The following NAV3 variants were observed in gnomAD, a reference collection of about 807,000 sequenced individuals.
NAV3 encodes pore membrane and/or filament interacting like protein 1.
NAV3 carries 87 observed loss-of-function variants against 244.7 expected under a neutral mutation model. The observed-to-expected ratio is 0.36, with a 90% CI of 0.30 to 0.42. NAV3 has a LOEUF of 0.42. Among genes scored for constraint, NAV3 ranks in the 20% least tolerant of loss-of-function variants. The pLI is 1.00. For missense variants in NAV3, 2,663 were observed against 2,893.3 expected (o/e 0.92, Z 1.83); for synonymous variants, 1,126 against 1,042.2 (o/e 1.08, Z -1.55).
chr12:77,643,583 C>A (rs1395106807), intron 2 of NAV3, among the ~76,000 whole-genome samples: 1 of 151,502 alleles, frequency 6.6e-6, no homozygotes, highest in African/African-American at 2.4e-5. Flanking sequence ...ATTTGGGAAA[C>A]CTTATTTGCC....
rs866616899 is a variant in NAV3 at position 78,162,666 on chromosome 12, C to G, written c.4869+3380C>G. ...ACTCCCTGAGATCAGGAGTTCAAGA[C>G]CAGCCTGGCCAACATAGTGAAACCC... On this transcript the variant is annotated intron_variant, in intron 23 of 39. Transcript: ENST00000397909. Among the ~76,000 whole-genome samples, 8 of 150,882 alleles carry G rather than the reference C, an allele frequency of 5.3e-5. No homozygotes were observed. The South Asian group carries it at 1.0e-3, about 20-fold the overall frequency.
intron 12 of NAV3, among the ~76,000 whole-genome samples, chr12:78,092,465 C>T (rs533269722): frequency 6.9e-5 from 10 of 145,172 alleles, no homozygotes; most frequent in Non-Finnish European, 1.4e-4. Flanking sequence ...AAACTCATTT[C>T]ACCCTTTGAA....
chr12:77,905,014 T>C (rs1253786258), intron 1 of NAV3, among the ~76,000 whole-genome samples: 1 of 152,154 alleles, frequency 6.6e-6, no homozygotes, highest in East Asian at 1.9e-4. Flanking sequence ...AAATCAGTTA[T>C]TCTCATATTT....
intron 2 of NAV3, among the ~76,000 whole-genome samples, chr12:77,629,392 C>T (rs711120): frequency 0.034 from 5,136 of 152,262 alleles, 121 homozygotes; most frequent in Middle Eastern, 0.054. Flanking sequence ...ATTGTGATAA[C>T]TGGCCTTTCA....
At chr12:77,747,163 GTAGA>G (rs1868588726) in intron 2 of NAV3, among the ~76,000 whole-genome samples, 1 of 152,100 alleles carries the variant, frequency 6.6e-6, no homozygotes, top group Non-Finnish European at 1.5e-5. Context: ...AAATAGTGTA[GTAGA>G]TAAATTTTAC....
chr12:77,977,706 A>G (rs946020322), intron 5 of NAV3, among the ~76,000 whole-genome samples: 196 of 90,704 alleles, frequency 2.2e-3, no homozygotes, highest in African/African-American at 6.1e-3. Context: ...ACACACACAC[A>G]CACGCGCACA....
intron 2 of NAV3, among the ~76,000 whole-genome samples, chr12:77,605,316 G>A (rs1307263307): frequency 2.6e-5 from 4 of 152,014 alleles, no homozygotes; most frequent in Non-Finnish European, 4.4e-5. Flanking sequence ...GCACCTGCCC[G>A]ATCATAATCT....
chr12:77,655,774 T>G (rs1349927972), intron 2 of NAV3, among the ~76,000 whole-genome samples: 2 of 152,242 alleles, frequency 1.3e-5, no homozygotes, highest in East Asian at 1.9e-4. Context: ...AGAAACTCTA[T>G]AAGCCAGAAG....
At chr12:77,599,462 G>A (rs1474987959) in intron 2 of NAV3, among the ~76,000 whole-genome samples, 1 of 151,654 alleles carries the variant, frequency 6.6e-6, no homozygotes, top group Non-Finnish European at 1.5e-5. Flanking sequence ...CTTTTATCTG[G>A]TATACTTACC....
chr12:77,765,808 T>G (rs764295867), intron 2 of NAV3, among the ~76,000 whole-genome samples: 1 of 151,550 alleles, frequency 6.6e-6, no homozygotes, highest in Non-Finnish European at 1.5e-5. Flanking sequence ...CAACTAGATA[T>G]GAAAAGAATA....
chr12:77,729,394 T>C (rs1247154847), intron 2 of NAV3, among the ~76,000 whole-genome samples: 1 of 151,948 alleles, frequency 6.6e-6, no homozygotes, highest in African/African-American at 2.4e-5. Flanking sequence ...GAAATCTACT[T>C]AGACATAGAA....
At chr12:77,834,079 G>A (rs1309155023) in intron 1 of NAV3, among the ~76,000 whole-genome samples, 1 of 152,164 alleles carries the variant, frequency 6.6e-6, no homozygotes, top group East Asian at 1.9e-4. Context: ...AGGTCTCGGG[G>A]TTTTTATAGG....
At chr12:78,123,725 A>C (rs560266771) in intron 16 of NAV3, among the ~76,000 whole-genome samples, 2 of 152,310 alleles carry the variant, frequency 1.3e-5, no homozygotes, top group South Asian at 4.1e-4. Flanking sequence ...TAAAGAAAAA[A>C]ACTGGGCCAA....
rs549386213 is a variant in NAV3 at position 77,918,167 on chromosome 12, C to A, written c.244-22152C>A. On this transcript the variant is annotated intron_variant, in intron 1 of 39. Transcript: ENST00000397909. Reference sequence around the variant, plus strand: ...TAACTGTGATATTACACTCTTCCCTCTGGACGCTGAGGATTCTTCTGGCTG... The same window carrying A: ...TAACTGTGATATTACACTCTTCCCTATGGACGCTGAGGATTCTTCTGGCTG... Among the ~76,000 whole-genome samples the A allele has an allele frequency of 3.3e-5, 5 of 152,246 alleles. No homozygotes were observed. The East Asian group carries it at 7.7e-4, about 24-fold the overall frequency.
At chr12:77,686,329 G>A (rs1200796813) in intron 2 of NAV3, among the ~76,000 whole-genome samples, 1 of 151,920 alleles carries the variant, frequency 6.6e-6, no homozygotes, top group African/African-American at 2.4e-5. Flanking sequence ...CTGACCTCAG[G>A]TGATCTGCTT....
chr12:77,867,425 G>GT (rs1231174085), intron 1 of NAV3, among the ~76,000 whole-genome samples: 9 of 151,392 alleles, frequency 5.9e-5, no homozygotes, highest in Admixed American at 5.3e-4. Flanking sequence ...TGTTGTTGTT[G>GT]TTGTTTGTTT....
At chr12:78,044,637 G>A (rs963287335) in intron 9 of NAV3, among the ~76,000 whole-genome samples, 3 of 152,038 alleles carry the variant, frequency 2.0e-5, no homozygotes, top group Non-Finnish European at 4.4e-5. Context: ...TTTTTGAAGA[G>A]GTCCTTCACA....
rs1892711034 is a variant in NAV3, at chr12:77,968,546, T to C, written c.515T>C (p.Ile172Thr). The C allele has an allele frequency of 6.2e-7, 1 of 1,613,896 alleles. No homozygotes were observed. Among genetic ancestry groups the C allele is most frequent in the Admixed American group, 1.7e-5 (1 of 59,994 alleles). The change falls in exon 5 of 40, where the codon ATT (isoleucine) becomes ACT (threonine). Residue 172 changes from isoleucine (I) to threonine (T), a missense_variant. Ile to Thr is a moderately conservative substitution (Grantham distance 89). Transcript: ENST00000397909. The stretch of plus-strand genomic sequence containing the variant: ...ATAAGAAATGGAAACTTAAAAGCCA[T>C]TCTAGGGCTGTTTTTCAGTTTATCT... ...EEIRNGNLKA[I>T]LGLFFSLSRY...
intron 1 of NAV3, among the ~76,000 whole-genome samples, chr12:77,927,379 A>G (rs180704892): frequency 4.6e-5 from 7 of 152,314 alleles, no homozygotes; most frequent in Non-Finnish European, 7.4e-5. Context: ...GCTCATAAAT[A>G]AAACATTTCC....
Sources: allele counts gnomAD v4.1 joint callset (sites outside exome capture counted in the v4.1 genomes callset), GRCh38; gene constraint gnomAD v4.1.1; transcripts MANE v1.5; gene names NCBI Gene and HGNC (gene_info 2026-07-23, HGNC 2026-07-21).